RIMS2: variants seen among roughly 807,000 people sequenced by gnomAD.
The protein encoded by RIMS2 is regulating synaptic membrane exocytosis 2.
In RIMS2, 59 loss-of-function variants were observed where a neutral mutation model predicts 174.4. That is an observed-to-expected ratio of 0.34 (90% CI 0.27 to 0.42). The LOEUF (loss-of-function observed/expected upper bound fraction) is 0.42. Ranked by LOEUF, RIMS2 falls within the 10% of genes least tolerant of loss-of-function variation. RIMS2 has a pLI of 1.00. For missense variants in RIMS2, 1,620 were observed against 1,666.3 expected (o/e 0.97, Z 0.48); for synonymous variants, 606 against 572.5 (o/e 1.06, Z -0.84).
chr8:103,947,690 T>C (rs2084150150), intron 14 of RIMS2, among the ~76,000 whole-genome samples: 3 of 152,180 alleles, frequency 2.0e-5, no homozygotes, highest in African/African-American at 7.2e-5. Flanking sequence ...GGTGAGTCAA[T>C]GAGCAACTTG....
rs143448392 is a variant in RIMS2, at chr8:104,248,159, A to G, written c.3477-542A>G. On this transcript the variant is annotated intron_variant, in intron 20 of 23. Coordinates refer to ENST00000504942, the Ensembl canonical transcript of RIMS2. ...GACTTTCAAGAGAGAATGAGAGGAA[A>G]GAAATTGAAGACAGCACATAGAGAC... Among the ~76,000 whole-genome samples, 145 of 152,290 alleles carry G rather than the reference A, an allele frequency of 9.5e-4. 1 individual carries two copies. The highest frequency in any genetic ancestry group is 3.4e-3 in the African/African-American group (142 of 41,570).
chr8:103,719,693 C>T (rs1247643094), intron 2 of RIMS2, among the ~76,000 whole-genome samples: 1 of 152,088 alleles, frequency 6.6e-6, no homozygotes, highest in Admixed American at 6.5e-5. Flanking sequence ...TTTAATGTTT[C>T]CCAGACCTTT....
At chr8:104,032,137 T>TA (rs1207058020) in intron 19 of RIMS2, among the ~76,000 whole-genome samples, 1 of 152,052 alleles carries the variant, frequency 6.6e-6, no homozygotes, top group Non-Finnish European at 1.5e-5. Flanking sequence ...AAAAGCTCAA[T>TA]ATACTATCTA....
intron 1 of RIMS2, among the ~76,000 whole-genome samples, chr8:103,532,076 T>C (rs1051542110): frequency 6.6e-6 from 1 of 152,246 alleles, no homozygotes; most frequent in Non-Finnish European, 1.5e-5. Context: ...GATTAAGTTA[T>C]GTCAAAATGC....
intron 3 of RIMS2, among the ~76,000 whole-genome samples, chr8:103,795,397 C>T (rs1489390592): frequency 7.0e-6 from 1 of 142,618 alleles, no homozygotes; most frequent in African/African-American, 2.6e-5. Flanking sequence ...AACACCTGGA[C>T]ACAGAGTAGG....
intron 1 of RIMS2, among the ~76,000 whole-genome samples, chr8:103,554,695 A>G (rs891063030): frequency 1.3e-5 from 2 of 152,176 alleles, no homozygotes; most frequent in Non-Finnish European, 2.9e-5. Context: ...TACCTACCCA[A>G]AGGAATATAA....
chr8:103,564,850 A>G (rs1430061988), intron 1 of RIMS2, among the ~76,000 whole-genome samples: 1 of 152,180 alleles, frequency 6.6e-6, no homozygotes, highest in African/African-American at 2.4e-5. Context: ...GCATCCTTCA[A>G]TCCAATCAAG....
intron 3 of RIMS2, among the ~76,000 whole-genome samples, chr8:103,870,516 A>G (rs1296408872): frequency 6.6e-6 from 1 of 152,122 alleles, no homozygotes; most frequent in South Asian, 2.1e-4. Flanking sequence ...GTAGACTTTT[A>G]TTAGTGATGG....
intron 2 of RIMS2, among the ~76,000 whole-genome samples, chr8:103,758,519 A>G (rs1043502371): frequency 6.6e-6 from 1 of 152,126 alleles, no homozygotes; most frequent in Non-Finnish European, 1.5e-5. Context: ...ATTAATGAAG[A>G]CGTGAACATG....
At chr8:104,252,742 CAAAT>C (rs1465815115), downstream of RIMS2, 2 of 152,070 alleles carry the variant, frequency 1.3e-5, no homozygotes, top group African/African-American at 2.4e-5. Context: ...CTTTATGTGA[CAAAT>C]AAGTATAATA....
intron 14 of RIMS2, among the ~76,000 whole-genome samples, chr8:103,953,281 C>T (rs1218529640): frequency 6.6e-6 from 1 of 152,046 alleles, no homozygotes; most frequent in Admixed American, 6.5e-5. Context: ...AGAAGAGCAA[C>T]CCCAAGGCAC....
Position 103,915,574 on chromosome 8 carries a change from C to T in RIMS2, c.1892C>T (p.Thr631Ile), listed in dbSNP as rs1038711340. Residue 631 changes from threonine (T) to isoleucine (I), a missense_variant, in exon 7 of 24, where the codon ACT becomes ATT. Thr to Ile is a moderately conservative substitution (Grantham distance 89, BLOSUM62 -1). This residue lies in a region of RIMS2 where 1,395 missense variants were observed against 1,360.1 expected (regional missense o/e 1.03). Transcript: ENST00000504942. ...GTAAAAAAAGGAAGTTTAGCTGATA[C>T]TGTAGGACATCTTAGACCAGGTAGG... The T allele has an allele frequency of 5.0e-6, 8 of 1,591,550 alleles. No individual in the cohort carries two copies. In the African/African-American group the frequency reaches 8.1e-5, roughly 16 times the overall value.
chr8:104,076,821 CTTT>C (rs759341615), intron 19 of RIMS2, among the ~76,000 whole-genome samples: 3 of 140,348 alleles, frequency 2.1e-5, no homozygotes, highest in Non-Finnish European at 3.1e-5. Context: ...TTTCTTTTAT[CTTT>C]TTTTTTTTTT....
chr8:103,717,173 A>T (rs2097380435), intron 2 of RIMS2, among the ~76,000 whole-genome samples: 1 of 95,448 alleles, frequency 1.0e-5, no homozygotes, highest in South Asian at 3.4e-4. Context: ...TACCAGTTGG[A>T]GCCTTTTTCT....
intron 3 of RIMS2, among the ~76,000 whole-genome samples, chr8:103,859,500 T>G (rs1318608609): frequency 1.3e-5 from 2 of 152,146 alleles, no homozygotes; most frequent in African/African-American, 4.8e-5. Context: ...GTCAGCCATC[T>G]ACTTAAGCAG....
intron 1 of RIMS2, among the ~76,000 whole-genome samples, chr8:103,612,368 A>T (rs977475921): frequency 6.6e-6 from 1 of 152,130 alleles, no homozygotes; most frequent in East Asian, 1.9e-4. Flanking sequence ...GTCTCTGGGC[A>T]TTGAAGAGTT....
At chr8:103,833,063 A>T (rs1394004077) in intron 3 of RIMS2, among the ~76,000 whole-genome samples, 1 of 152,160 alleles carries the variant, frequency 6.6e-6, no homozygotes, top group Non-Finnish European at 1.5e-5. Context: ...ATTTGTATTT[A>T]CCTGAAAAAA....
intron 3 of RIMS2, among the ~76,000 whole-genome samples, chr8:103,825,720 A>G (rs1311450350): frequency 6.6e-6 from 1 of 152,016 alleles, no homozygotes; most frequent in Non-Finnish European, 1.5e-5. Flanking sequence ...GTGGCCATAT[A>G]TTTTTATTTC....
chr8:104,144,369 A>G (rs890165484), intron 19 of RIMS2, among the ~76,000 whole-genome samples: 3 of 152,122 alleles, frequency 2.0e-5, no homozygotes, highest in East Asian at 3.8e-4. Context: ...TCAACACTCA[A>G]TCTATTGTGT....
Sources: gnomAD v4.1 joint callset for allele counts (sites outside exome capture counted in the v4.1 genomes callset) on GRCh38, gnomAD v4.1.1 for gene constraint, gnomAD v4.1.1 regional missense constraint, MANE v1.5 for transcripts, NCBI Gene and HGNC (gene_info 2026-07-23, HGNC 2026-07-21) for gene names.